The following C10orf90 variants were observed in gnomAD, a reference collection of about 807,000 sequenced individuals.
The protein encoded by C10orf90 is (E2-independent) E3 ubiquitin-conjugating enzyme FATS.
Under a neutral mutation model 62.5 loss-of-function variants are expected in C10orf90, and 56 were observed. The ratio of observed to expected loss-of-function variants is 0.90; its 90% CI spans 0.72 to 1.12. C10orf90 has a LOEUF of 1.12. Among genes scored for constraint, C10orf90 ranks in the 50% most tolerant of loss-of-function variants. The probability of loss-of-function intolerance (pLI) is 0.00; values close to 1 mark genes in which losing one functional copy is unlikely to be tolerated. For missense variants in C10orf90, 970 were observed against 880.4 expected (o/e 1.10, Z -1.29); for synonymous variants, 386 against 340.4 (o/e 1.13, Z -1.47).
At chr10:126,635,709 T>TGCTCAGGGGAGTGGGTCCACCTG (rs1297220477) in intron 2 of C10orf90, among the ~76,000 whole-genome samples, 1 of 152,236 alleles carries the variant, frequency 6.6e-6, no homozygotes, top group East Asian at 1.9e-4. Flanking sequence ...TGTCTCTAAC[T>TGCTCAGGGGAGTGGGTCCACCTG]GCTCAGGGGA....
chr10:126,465,134 T>C (rs758306825), intron 4 of C10orf90, 148 bp from the exon 5 acceptor site: 4 of 764,184 alleles, frequency 5.2e-6, no homozygotes, highest in Non-Finnish European at 6.2e-6. Flanking sequence ...CTGTATACAG[T>C]GCTGTCTTGG....
intron 4 of C10orf90, among the ~76,000 whole-genome samples, chr10:126,481,387 T>A (rs73371040): frequency 0.012 from 1,799 of 152,384 alleles, 35 homozygotes; most frequent in African/African-American, 0.04. Context: ...AGATGACACA[T>A]GGCACTCAAT....
chr10:126,576,670 T>TGA (rs1423825309), intron 2 of C10orf90, among the ~76,000 whole-genome samples: 3,682 of 32,108 alleles, frequency 0.11, 1,032 homozygotes, highest in Middle Eastern at 0.24. Context: ...TATACATATA[T>TGA]ATGTATACAT....
At chr10:126,500,012 CTG>C (rs1358532267) in intron 4 of C10orf90, among the ~76,000 whole-genome samples, 3 of 152,230 alleles carry the variant, frequency 2.0e-5, no homozygotes, top group South Asian at 4.1e-4. Flanking sequence ...TGGATCAACA[CTG>C]TATATTTCAC....
At chr10:126,663,393 G>A (rs1323173767) in intron 1 of C10orf90, among the ~76,000 whole-genome samples, 1 of 152,200 alleles carries the variant, frequency 6.6e-6, no homozygotes, top group Non-Finnish European at 1.5e-5. Flanking sequence ...ACGTAACATA[G>A]ATGGAATCCT....
intron 7 of C10orf90, among the ~76,000 whole-genome samples, chr10:126,445,805 G>GTA (rs71029302): frequency 0.013 from 1,347 of 100,658 alleles, 17 homozygotes; most frequent in Middle Eastern, 0.039. Context: ...AAACTGTGGT[G>GTA]TATATATATA....
chr10:126,576,727 T>TATAC (rs1844629171), intron 2 of C10orf90, among the ~76,000 whole-genome samples: 2 of 36,468 alleles, frequency 5.5e-5, no homozygotes, highest in Non-Finnish European at 1.1e-4. Context: ...AAGATATACA[T>TATAC]ATATATGTAT....
chr10:126,429,709 A>G (rs1857461686), intron 8 of C10orf90, 78 bp downstream of exon 8: 1 of 1,190,630 alleles, frequency 8.4e-7, no homozygotes, highest in South Asian at 1.3e-5. Flanking sequence ...CAGTGGTCCC[A>G]TTGGAGGGCA....
chr10:126,444,999 C>T (rs1417300464), intron 7 of C10orf90, among the ~76,000 whole-genome samples: 2 of 152,120 alleles, frequency 1.3e-5, no homozygotes, highest in Non-Finnish European at 2.9e-5. Context: ...TCATCTCTCA[C>T]CTTAGACAAA....
At chr10:126,614,174 G>A (rs894455480) in intron 2 of C10orf90, among the ~76,000 whole-genome samples, 21 of 152,182 alleles carry the variant, frequency 1.4e-4, no homozygotes, top group African/African-American at 4.6e-4. Context: ...CAGGGACAGA[G>A]TGAAACCTTA....
At chr10:126,646,726 G>A in intron 1 of C10orf90, 89 bp from the exon 2 acceptor site, 1 of 286,480 alleles carries the variant, frequency 3.5e-6, no homozygotes, top group South Asian at 3.1e-5. Flanking sequence ...TTTTTAATCA[G>A]GAACATCCTG....
At chr10:126,610,951 T>A (rs896851104) in intron 2 of C10orf90, among the ~76,000 whole-genome samples, 2 of 152,190 alleles carry the variant, frequency 1.3e-5, no homozygotes, top group Non-Finnish European at 2.9e-5. Flanking sequence ...TTTTTTGTCT[T>A]TTATTTATGT....
chr10:126,575,717 C>T (rs1346487327), intron 2 of C10orf90, among the ~76,000 whole-genome samples: 11 of 151,902 alleles, frequency 7.2e-5, no homozygotes, highest in East Asian at 1.9e-4. Flanking sequence ...ATCATGGTAC[C>T]GGCATAAAAA....
At chr10:126,502,720 A>T in intron 4 of C10orf90, 1 of 475,816 alleles carries the variant, frequency 2.1e-6, no homozygotes, top group Admixed American at 2.4e-5. Context: ...TATTTCTGGA[A>T]TCATCATCAA....
intron 1 of C10orf90, among the ~76,000 whole-genome samples, chr10:126,649,034 G>GTCTCTCTCTC (rs1196569277): frequency 2.6e-4 from 7 of 26,608 alleles, no homozygotes; most frequent in East Asian, 1.1e-3. Context: ...CTCTGTCTCT[G>GTCTCTCTCTC]TCTCTCTCTC....
chr10:126,554,362 G>A (rs1230853891), intron 2 of C10orf90, among the ~76,000 whole-genome samples: 3 of 152,104 alleles, frequency 2.0e-5, no homozygotes, highest in Non-Finnish European at 4.4e-5. Context: ...TCTTGGTGAG[G>A]CAGCTGGAGA....
intron 2 of C10orf90, among the ~76,000 whole-genome samples, chr10:126,534,431 T>C (rs147037826): frequency 2.0e-5 from 3 of 152,176 alleles, no homozygotes; most frequent in African/African-American, 7.2e-5. Flanking sequence ...GAGTTGTAAG[T>C]GGACATCTTT....
chr10:126,429,570 C>A (rs1857452661), intron 8 of C10orf90, among the ~76,000 whole-genome samples: 1 of 152,186 alleles, frequency 6.6e-6, no homozygotes, highest in Non-Finnish European at 1.5e-5. Flanking sequence ...CAAGACCTAC[C>A]ACTTTCCTAA....
At chr10:126,426,796 C>T (rs7911403) in intron 8 of C10orf90, among the ~76,000 whole-genome samples, 13,234 of 152,126 alleles carry the variant, frequency 0.087, 1,910 homozygotes, top group African/African-American at 0.3. Context: ...TTCTCTCTCT[C>T]GTGTTTGAAA....
Sources: allele counts gnomAD v4.1 joint callset (sites outside exome capture counted in the v4.1 genomes callset), GRCh38; gene constraint gnomAD v4.1.1; transcripts MANE v1.5; gene names NCBI Gene and HGNC (gene_info 2026-07-23, HGNC 2026-07-21).